Variants in IL7 observed in about 807,000 individuals in gnomAD.
The protein encoded by IL7 is interleukin-7.
IL7 carries 3 observed loss-of-function variants against 21.6 expected under a neutral mutation model. That is an observed-to-expected ratio of 0.14 (90% confidence interval 0.06 to 0.36). IL7 has a LOEUF of 0.36. Among genes scored for constraint, IL7 ranks in the 10% least tolerant of loss-of-function variants. IL7 has a pLI of 1.00. For synonymous variants in IL7, 62 were observed against 68.1 expected (o/e 0.91, Z 0.44); for missense variants, 175 against 200.2 (o/e 0.87, Z 0.76).
intron 3 of IL7, among the ~76,000 whole-genome samples, chr8:78,739,333 T>C (rs1811700964): frequency 6.6e-6 from 1 of 152,192 alleles, no homozygotes; most frequent in Non-Finnish European, 1.5e-5. Context: ...CGCTTCCAAC[T>C]AAATTATACC....
chr8:78,752,013 G>C (rs1417191319), intron 2 of IL7, among the ~76,000 whole-genome samples: 2 of 152,122 alleles, frequency 1.3e-5, no homozygotes, highest in African/African-American at 4.8e-5. Context: ...ATAAATGACA[G>C]CATGTGGTGT....
intron 2 of IL7, among the ~76,000 whole-genome samples, chr8:78,788,449 T>A (rs557169038): frequency 6.6e-6 from 1 of 152,322 alleles, no homozygotes; most frequent in Non-Finnish European, 1.5e-5. Context: ...CAAAATATTT[T>A]AAAATTTCTT....
intron 2 of IL7, chr8:78,760,068 T>G (rs1812496978): frequency 7.3e-6 from 10 of 1,377,320 alleles, no homozygotes; most frequent in Non-Finnish European, 8.6e-6. Context: ...ATTTAGTGAT[T>G]AAGTGGCCTA....
chr8:78,766,824 G>A (rs1812769264), intron 2 of IL7, among the ~76,000 whole-genome samples: 1 of 152,032 alleles, frequency 6.6e-6, no homozygotes. Context: ...CATTTCTGTA[G>A]ACTTAGTTCC....
At chr8:78,711,923 TA>T (rs1469431903) in intron 3 of IL7, 1 of 1,029,058 alleles carries the variant, frequency 9.7e-7, no homozygotes, top group Non-Finnish European at 1.3e-6. Flanking sequence ...TAATGTCTTT[TA>T]AAAAAACTTT....
rs149464587 is a variant in IL7 at position 78,771,204 on chromosome 8, C to A, written c.147+26868G>T. 6.2e-4 allele frequency among the ~76,000 whole-genome samples: 86 copies of A among 139,522 alleles called. 3 individuals are homozygous for A. The East Asian group carries it at 0.012, about 20-fold the overall frequency. The allele number at this position is 139,522 out of a possible 152,430, so 91.5% of individuals were successfully genotyped here. Reference sequence around the variant, plus strand: ...AGACATTGTGGTTTTCATTGCATATCATTCCTATTTCTCTCTCTCCATTAT... The same window carrying A: ...AGACATTGTGGTTTTCATTGCATATAATTCCTATTTCTCTCTCTCCATTAT... On this transcript the variant is annotated intron_variant, in intron 2 of 5. Coordinates refer to ENST00000263851, the MANE Select transcript of IL7 (RefSeq NM_000880.4).
chr8:78,737,293 G>A (rs1211011929), intron 4 of IL7, among the ~76,000 whole-genome samples: 19 of 152,076 alleles, frequency 1.2e-4, no homozygotes, highest in Admixed American at 1.2e-3. Context: ...ATTTTCAACA[G>A]TCACAACTAA....
chr8:78,722,170 A>T (rs980932630), intron 3 of IL7, among the ~76,000 whole-genome samples: 2 of 151,930 alleles, frequency 1.3e-5, no homozygotes, highest in Admixed American at 1.3e-4. Flanking sequence ...TTAAAAAGCA[A>T]ATAGGTTTCT....
intron 4 of IL7, chr8:78,685,855 G>A (rs569181333): frequency 6.6e-6 from 1 of 152,264 alleles, no homozygotes; most frequent in Admixed American, 6.5e-5. Context: ...CCACAAACTG[G>A]ATAATTTATA....
At chr8:78,779,689 T>C (rs538456353) in intron 2 of IL7, among the ~76,000 whole-genome samples, 23 of 152,306 alleles carry the variant, frequency 1.5e-4, no homozygotes, top group African/African-American at 5.3e-4. Context: ...GATGTTGGCC[T>C]GAAGTTTTCT....
rs138587015 is a variant in IL7 at position 78,677,266 on chromosome 8, G to A, written n.274-1162C>T. On this transcript the variant is annotated intron_variant and non_coding_transcript_variant, in intron 4 of 4. Coordinates refer to the IL7 transcript ENST00000523959. ...ATAGTGGAGGGAGAATGTTTATCCA[G>A]TTGGCTTATTGGAGGTCATTTAAGA... is the stretch of plus-strand genomic sequence containing the variant. Among the ~76,000 whole-genome samples the A allele has an allele frequency of 2.0e-5, 3 of 152,078 alleles. No homozygotes were observed. The East Asian group carries it at 5.8e-4, about 29-fold the overall frequency.
At chr8:78,691,750 CATCTTTGACTTACCCAT>C (rs1586003095) in intron 3 of IL7, among the ~76,000 whole-genome samples, 1 of 152,036 alleles carries the variant, frequency 6.6e-6, no homozygotes, top group Admixed American at 6.6e-5. Context: ...ATAAAAAATG[CATCTTTGACTTACCCAT>C]ATCTATGGAT....
At chr8:78,712,064 C>T in intron 3 of IL7, 1 of 1,289,638 alleles carries the variant, frequency 7.8e-7, no homozygotes, top group Non-Finnish European at 1.0e-6. Context: ...GATACAAAAT[C>T]AGACAGTGCC....
At chr8:78,760,871 T>C (rs2130761593) in intron 2 of IL7, 1 of 1,559,660 alleles carries the variant, frequency 6.4e-7, no homozygotes, top group Middle Eastern at 1.8e-4. Flanking sequence ...GTTGAGTGAA[T>C]GCAGTACTGC....
intron 3 of IL7, chr8:78,689,129 T>C (rs1006870134): frequency 4.2e-6 from 4 of 947,460 alleles, no homozygotes; most frequent in Admixed American, 4.0e-5. Context: ...TTATTACTTA[T>C]ATTTTTTGAA....
chr8:78,691,424 A>C (rs1586002601), intron 3 of IL7, among the ~76,000 whole-genome samples: 1 of 152,140 alleles, frequency 6.6e-6, no homozygotes, highest in African/African-American at 2.4e-5. Flanking sequence ...GAATATAGCC[A>C]TTTTAACATA....
At chr8:78,707,472 G>C (rs962323434) in intron 3 of IL7, among the ~76,000 whole-genome samples, 1 of 152,192 alleles carries the variant, frequency 6.6e-6, no homozygotes, top group Non-Finnish European at 1.5e-5. Context: ...TGTGACTCTG[G>C]TTAGACCTTG....
intron 4 of IL7, among the ~76,000 whole-genome samples, chr8:78,681,835 T>G (rs1809793208): frequency 6.6e-6 from 1 of 152,020 alleles, no homozygotes; most frequent in African/African-American, 2.4e-5. Context: ...TCTTCTTGTC[T>G]TTTTCATATT....
chr8:78,787,412 A>C (rs1392693815), intron 2 of IL7, among the ~76,000 whole-genome samples: 2 of 152,074 alleles, frequency 1.3e-5, no homozygotes, highest in African/African-American at 4.8e-5. Flanking sequence ...GAGGAAAAAA[A>C]CTCTCACACA....
Sources: gnomAD v4.1 joint callset for allele counts (sites outside exome capture counted in the v4.1 genomes callset) on GRCh38, gnomAD v4.1.1 for gene constraint, MANE v1.5 for transcripts, NCBI Gene and HGNC (gene_info 2026-07-23, HGNC 2026-07-21) for gene names.